CSMD3: variants seen among roughly 807,000 people sequenced by gnomAD.
CSMD3 encodes the protein CUB and Sushi multiple domains 3.
A neutral mutation model predicts 435.2 loss-of-function variants in CSMD3; 177 were observed. That is an observed-to-expected ratio of 0.41 (90% CI 0.36 to 0.46). The LOEUF is 0.46. Among genes scored for constraint, CSMD3 ranks in the 20% least tolerant of loss-of-function variants. The pLI is 0.34. For synonymous variants in CSMD3, 1,656 were observed against 1,520.5 expected, an observed-to-expected ratio of 1.09 and a Z score of -2.07; for missense variants, 4,265 against 4,504.6, an observed-to-expected ratio of 0.95 and a Z score of 1.52.
At chr8:113,433,942 C>A (rs2094690172) in intron 1 of CSMD3, among the ~76,000 whole-genome samples, 3 of 152,264 alleles carry the variant, frequency 2.0e-5, no homozygotes. Flanking sequence ...CAAGTCTAGG[C>A]AGCACCTGCC....
At chr8:112,686,871 A>C (rs2076025118) in intron 14 of CSMD3, among the ~76,000 whole-genome samples, 1 of 152,168 alleles carries the variant, frequency 6.6e-6, no homozygotes, top group East Asian at 1.9e-4. Context: ...TGAGTTTTTC[A>C]AGTCGAGTTT....
chr8:113,246,934 C>G (rs183840593), intron 3 of CSMD3, among the ~76,000 whole-genome samples: 1 of 152,272 alleles, frequency 6.6e-6, no homozygotes, highest in Non-Finnish European at 1.5e-5. Flanking sequence ...GATACACATG[C>G]AATGCTCCAG....
At chr8:112,880,202 T>C (rs2081408524) in intron 10 of CSMD3, among the ~76,000 whole-genome samples, 1 of 152,118 alleles carries the variant, frequency 6.6e-6, no homozygotes, top group African/African-American at 2.4e-5. Context: ...CTTGTAATTC[T>C]AGACAATCTT....
intron 4 of CSMD3, among the ~76,000 whole-genome samples, chr8:113,151,422 C>T (rs751793548): frequency 6.6e-6 from 1 of 151,496 alleles, no homozygotes; most frequent in Non-Finnish European, 1.5e-5. Flanking sequence ...CAGAAATATA[C>T]AAATAATATG....
intron 12 of CSMD3, among the ~76,000 whole-genome samples, chr8:112,813,185 T>C (rs957599194): frequency 3.9e-5 from 6 of 152,136 alleles, no homozygotes; most frequent in Non-Finnish European, 1.5e-5. Flanking sequence ...TAGGCTTTAT[T>C]GAGCAGAGTG....
intron 5 of CSMD3, among the ~76,000 whole-genome samples, chr8:113,027,595 A>C (rs1009551063): frequency 1.4e-4 from 22 of 152,168 alleles, no homozygotes; most frequent in Non-Finnish European, 2.9e-5. Context: ...TGGTTTAAAA[A>C]ATAGCATTAC....
chr8:112,631,405 G>A (rs2074510628), intron 22 of CSMD3, among the ~76,000 whole-genome samples: 1 of 151,942 alleles, frequency 6.6e-6, no homozygotes, highest in African/African-American at 2.4e-5. Flanking sequence ...CCCACCCCTG[G>A]TCTATTGTAT....
chr8:112,959,365 T>G (rs966341733), intron 7 of CSMD3, among the ~76,000 whole-genome samples: 1 of 152,012 alleles, frequency 6.6e-6, no homozygotes, highest in African/African-American at 2.4e-5. Context: ...AACTTTGTAT[T>G]TATTTTATTC....
intron 70 of CSMD3, among the ~76,000 whole-genome samples, chr8:112,227,841 G>C (rs1158360574): frequency 6.6e-6 from 1 of 152,078 alleles, no homozygotes; most frequent in Non-Finnish European, 1.5e-5. Context: ...AGGAGATCGA[G>C]ACCATCCTGG....
intron 3 of CSMD3, among the ~76,000 whole-genome samples, chr8:113,273,878 A>T (rs957408422): frequency 2.0e-5 from 3 of 152,120 alleles, no homozygotes; most frequent in Non-Finnish European, 4.4e-5. Context: ...AGAAACATTC[A>T]TAATGATGTT....
At chr8:112,444,681 C>T (rs889262151) in intron 32 of CSMD3, among the ~76,000 whole-genome samples, 1 of 152,130 alleles carries the variant, frequency 6.6e-6, no homozygotes, top group Non-Finnish European at 1.5e-5. Flanking sequence ...AGAATAAAAT[C>T]ACAACTGTGC....
intron 3 of CSMD3, among the ~76,000 whole-genome samples, chr8:113,200,454 T>G (rs1490730236): frequency 6.6e-6 from 1 of 151,764 alleles, no homozygotes; most frequent in Non-Finnish European, 1.5e-5. Context: ...GTTTAAATGT[T>G]TCAACTGACT....
intron 53 of CSMD3, among the ~76,000 whole-genome samples, chr8:112,297,046 A>G (rs546580507): frequency 4.6e-5 from 7 of 151,670 alleles, no homozygotes; most frequent in African/African-American, 1.7e-4. Context: ...AGGTAAAAAT[A>G]TAAAAATATT....
At chr8:113,031,800 G>C (rs545560543) in intron 5 of CSMD3, among the ~76,000 whole-genome samples, 3 of 151,524 alleles carry the variant, frequency 2.0e-5, no homozygotes, top group Admixed American at 6.6e-5. Context: ...GTTTGGCTTT[G>C]TGTCCCCACC....
intron 10 of CSMD3, among the ~76,000 whole-genome samples, chr8:112,912,570 G>A (rs1398879550): frequency 6.6e-6 from 1 of 151,752 alleles, no homozygotes; most frequent in Non-Finnish European, 1.5e-5. Flanking sequence ...ATTTCAAATG[G>A]ATTAAATAGT....
intron 10 of CSMD3, among the ~76,000 whole-genome samples, chr8:112,907,292 T>C (rs934818267): frequency 6.6e-6 from 1 of 151,544 alleles, no homozygotes; most frequent in African/African-American, 2.4e-5. Context: ...ACGTGAACTT[T>C]TGAAAAGCTG....
At chr8:112,666,468 A>T (rs1388144714) in intron 16 of CSMD3, 53 bp from the exon 17 acceptor site, 1 of 1,508,894 alleles carries the variant, frequency 6.6e-7, no homozygotes, top group Admixed American at 1.7e-5. Context: ...TAAATCGCAG[A>T]TATTATTCTT....
At chr8:113,275,494 A>G (rs1376233388) in intron 3 of CSMD3, among the ~76,000 whole-genome samples, 1 of 152,116 alleles carries the variant, frequency 6.6e-6, no homozygotes, top group Non-Finnish European at 1.5e-5. Flanking sequence ...CAGTCTCCAG[A>G]TAAAGCTGAT....
At chr8:112,350,101 A>C (rs1167337423) in intron 40 of CSMD3, among the ~76,000 whole-genome samples, 1 of 152,056 alleles carries the variant, frequency 6.6e-6, no homozygotes, top group Non-Finnish European at 1.5e-5. Flanking sequence ...GGCCCTTAGA[A>C]GATACCAATC....
Sources: allele counts gnomAD v4.1 joint callset (sites outside exome capture counted in the v4.1 genomes callset), GRCh38; gene constraint gnomAD v4.1.1; transcripts MANE v1.5; gene names NCBI Gene and HGNC (gene_info 2026-07-23, HGNC 2026-07-21).